The following FGF13 variants were observed in gnomAD, a reference collection of about 807,000 sequenced individuals.
The protein encoded by FGF13 is fibroblast growth factor 13.
A neutral mutation model predicts 19.5 loss-of-function variants in FGF13; 2 were observed. The observed-to-expected ratio is 0.10, with a 90% CI of 0.04 to 0.32. The LOEUF (loss-of-function observed/expected upper bound fraction) is 0.32. FGF13 is among the 10% of genes least tolerant of loss of function. FGF13 has a pLI of 1.00. For synonymous variants in FGF13, 72 were observed against 76.9 expected, an observed-to-expected ratio of 0.94 and a Z score of 0.33; for missense variants, 113 against 192.7, an observed-to-expected ratio of 0.59 and a Z score of 2.45.
At chrX:138,797,960 G>C in intron 3 of FGF13, among the ~76,000 whole-genome samples, 1 of 111,890 alleles carries the variant, frequency 8.9e-6, no homozygotes, top group South Asian at 3.8e-4. Context: ...AGGAGTTCTT[G>C]GGCTGAGATG....
intron 1 of FGF13, among the ~76,000 whole-genome samples, chrX:138,878,266 A>G (rs1397230165): frequency 9.6e-6 from 1 of 104,309 alleles, no homozygotes; most frequent in Non-Finnish European, 2.0e-5. Context: ...TCGTCATTTA[A>G]CATTAGGTAT....
chrX:138,781,004 T>A (rs776942232), intron 3 of FGF13, among the ~76,000 whole-genome samples: 22 of 111,471 alleles, frequency 2.0e-4, no homozygotes, highest in African/African-American at 7.2e-4. Flanking sequence ...AACTCAGGAT[T>A]AATAATCGCA....
intron 1 of FGF13, among the ~76,000 whole-genome samples, chrX:138,880,766 A>G (rs1028482234): frequency 2.7e-5 from 3 of 112,031 alleles, no homozygotes; most frequent in Non-Finnish European, 5.6e-5. Context: ...TGAAACCTCA[A>G]TTCTACGCTA....
At chrX:138,743,668 A>G (rs1030074098), upstream of FGF13, among the ~76,000 whole-genome samples, 3 of 111,795 alleles carry the variant, frequency 2.7e-5, no homozygotes, top group Non-Finnish European at 5.6e-5. Context: ...CAGTTATGCT[A>G]TGAACCTAAA....
intron 3 of FGF13, among the ~76,000 whole-genome samples, chrX:138,647,099 G>A (rs1051975576): frequency 9.1e-6 from 1 of 109,785 alleles, no homozygotes; most frequent in African/African-American, 3.3e-5. Context: ...AAATCCGATA[G>A]GCTGCCCAAG....
chrX:138,735,258 A>C (rs1173636737), intron 1 of FGF13, among the ~76,000 whole-genome samples: 1 of 111,967 alleles, frequency 8.9e-6, no homozygotes, highest in Non-Finnish European at 1.9e-5. Context: ...TGCACTAACC[A>C]ACCACAGAAA....
At chrX:138,889,112 G>C (rs932562002) in intron 1 of FGF13, among the ~76,000 whole-genome samples, 4 of 111,786 alleles carry the variant, frequency 3.6e-5, no homozygotes, top group African/African-American at 1.3e-4. Flanking sequence ...GTGCTCTAAT[G>C]GTGGATACAA....
intron 1 of FGF13, among the ~76,000 whole-genome samples, chrX:139,085,835 T>C (rs1329837519): frequency 1.8e-5 from 2 of 112,468 alleles, no homozygotes; most frequent in Non-Finnish European, 3.8e-5. Flanking sequence ...AAAATATGTC[T>C]GAAATGTACT....
chrX:138,802,290 G>T (rs910802297), intron 3 of FGF13, among the ~76,000 whole-genome samples: 2 of 111,884 alleles, frequency 1.8e-5, no homozygotes, highest in African/African-American at 6.5e-5. Flanking sequence ...CATGGGAAAA[G>T]CATAGTATGT....
intron 3 of FGF13, among the ~76,000 whole-genome samples, chrX:138,689,373 C>T (rs2089816443): frequency 1.0e-5 from 1 of 99,847 alleles, no homozygotes; most frequent in South Asian, 5.0e-4. Flanking sequence ...ACAACTTTCT[C>T]CATGGGTCTA....
rs2089050740 is a variant in FGF13 at position 138,625,476 on chromosome X, A to G, written c.*7374T>C. 3.2e-5 allele frequency: 3 copies of G among 92,833 alleles called. No individual in the cohort carries two copies. In the Admixed American group the frequency reaches 3.7e-4, roughly 11 times the overall value. The allele number at this position is 92,833 out of a possible 1,213,427, so 7.7% of individuals were successfully genotyped here. A position where few individuals can be genotyped will look rare whatever the true frequency, so the allele number is the denominator to read the frequency against. On this transcript the variant is annotated 3_prime_UTR_variant, in exon 5 of 5. Coordinates refer to ENST00000315930, the MANE Select transcript of FGF13 (RefSeq NM_004114.5). ...AAGAAAATTATATATATATACATAT[A>G]TATATATAATATATATATATACATA...
At chrX:138,823,428 ACT>A (rs1004721693) in intron 3 of FGF13, among the ~76,000 whole-genome samples, 2 of 109,719 alleles carry the variant, frequency 1.8e-5, no homozygotes, top group Non-Finnish European at 1.9e-5. Context: ...GGATAAACAC[ACT>A]CTCTCACTTC....
At chrX:138,907,618 C>A (rs1419903626) in intron 1 of FGF13, among the ~76,000 whole-genome samples, 1 of 111,817 alleles carries the variant, frequency 8.9e-6, no homozygotes, top group African/African-American at 3.3e-5. Context: ...AGAGGTCATG[C>A]CACTGAGCAT....
chrX:139,158,264 G>T (rs752276414), intron 1 of FGF13, among the ~76,000 whole-genome samples: 10 of 108,444 alleles, frequency 9.2e-5, no homozygotes, highest in African/African-American at 3.4e-4. Flanking sequence ...AGAGAAAACC[G>T]TTCACTCCCC....
intron 3 of FGF13, among the ~76,000 whole-genome samples, chrX:138,787,218 C>T (rs1156296612): frequency 5.3e-5 from 6 of 112,536 alleles, no homozygotes; most frequent in Non-Finnish European, 1.1e-4. Flanking sequence ...CCTTAATCAG[C>T]CAGATGGGGC....
At chrX:139,097,715 C>T (rs1412900586) in intron 1 of FGF13, among the ~76,000 whole-genome samples, 10 of 112,004 alleles carry the variant, frequency 8.9e-5, no homozygotes, top group Non-Finnish European at 1.9e-4. Flanking sequence ...GTGTCTACTA[C>T]TCTGATTCAA....
chrX:138,843,668 A>G (rs1002515097), intron 3 of FGF13, among the ~76,000 whole-genome samples: 2 of 111,982 alleles, frequency 1.8e-5, no homozygotes, highest in Non-Finnish European at 3.8e-5. Flanking sequence ...TACAGTCTGA[A>G]TTAAGGGACA....
intron 1 of FGF13, among the ~76,000 whole-genome samples, chrX:138,946,626 T>C (rs1171019669): frequency 8.9e-6 from 1 of 112,089 alleles, no homozygotes; most frequent in African/African-American, 3.2e-5. Flanking sequence ...AAGTGAGATA[T>C]AGAAGATCCA....
At position 139,033,027 on chromosome X, in the gene FGF13, C is replaced by CAAAAAAAAAAAAAAAAAAA. The variant is rs758766077; in HGVS notation, c.-112-168396_-112-168378dup. Among the ~76,000 whole-genome samples the CAAAAAAAAAAAAAAAAAAA allele has an allele frequency of 7.3e-5, 2 of 27,271 alleles. 1 individual carries two copies. Among genetic ancestry groups the CAAAAAAAAAAAAAAAAAAA allele is most frequent in the African/African-American group, 2.6e-4 (2 of 7,570 alleles). The allele number at this position is 27,271 out of a possible 115,157, so 23.7% of individuals were successfully genotyped here. ...ACCAAAGTCAGAATATCTGATTATC[C>CAAAAAAAAAAAAAAAAAAA]AAAAAAAAAAAAAAAAAAAAAAAAA... is the stretch of plus-strand genomic sequence containing the variant. On this transcript the variant is annotated intron_variant, in intron 1 of 2. Transcript: ENST00000421460.
Sources: allele counts gnomAD v4.1 joint callset (sites outside exome capture counted in the v4.1 genomes callset), GRCh38; gene constraint gnomAD v4.1.1; transcripts MANE v1.5; gene names NCBI Gene and HGNC (gene_info 2026-07-23, HGNC 2026-07-21).